Variants in ERC1 observed in about 807,000 individuals in gnomAD.
ERC1 encodes ELKS/RAB6-interacting/CAST family member 1.
In ERC1, 56 loss-of-function variants were observed where a neutral mutation model predicts 132.0. That is an observed-to-expected ratio of 0.42 (90% CI 0.34 to 0.53). The LOEUF (loss-of-function observed/expected upper bound fraction) is 0.53, where lower values mean the gene tolerates loss of function less well. ERC1 is among the 20% of genes least tolerant of loss of function. The pLI, the probability that ERC1 is intolerant of heterozygous loss-of-function variation, is 0.03. For synonymous variants in ERC1, 478 were observed against 476.1 expected (o/e 1.00, Z -0.05); for missense variants, 1,202 against 1,349.9 (o/e 0.89, Z 1.72).
chr12:1,242,234 C>T (rs2075858249), intron 13 of ERC1, among the ~76,000 whole-genome samples: 1 of 152,118 alleles, frequency 6.6e-6, no homozygotes, highest in Non-Finnish European at 1.5e-5. Context: ...GTAAATTTAT[C>T]AGTTTTTTCA....
chr12:1,341,058 C>CTTTTCTTTTTCT (rs1344930048), intron 15 of ERC1, among the ~76,000 whole-genome samples: 23 of 54,300 alleles, frequency 4.2e-4, no homozygotes, highest in South Asian at 1.5e-3. Context: ...TCCACTTATT[C>CTTTTCTTTTTCT]TTTTCTTTTT....
intron 8 of ERC1, among the ~76,000 whole-genome samples, chr12:1,146,525 A>G (rs1950384002): frequency 6.6e-6 from 1 of 151,350 alleles, no homozygotes; most frequent in Non-Finnish European, 1.5e-5. Flanking sequence ...ATCAGCAAAC[A>G]ATGATAGTTT....
intron 1 of ERC1, among the ~76,000 whole-genome samples, chr12:1,000,645 CCTAG>C: frequency 6.6e-6 from 1 of 152,254 alleles, no homozygotes; most frequent in Admixed American, 6.5e-5. Flanking sequence ...TGCCTGTAGT[CCTAG>C]CTATTTGGGA....
chr12:1,390,632 T>A (rs2089876791), intron 16 of ERC1: 1 of 152,172 alleles, frequency 6.6e-6, no homozygotes, highest in African/African-American at 2.4e-5. Context: ...TGTCAGTTCA[T>A]CTCCCGGAGG....
Position 1,189,873 on chromosome 12 carries a change from A to C in ERC1, c.2172A>C (p.Ala724=), listed in dbSNP as rs1378903087. 6.2e-7 allele frequency: 1 copy of C among 1,607,052 alleles called. No individual in the cohort carries two copies. The highest frequency in any genetic ancestry group is 1.3e-5 in the African/African-American group (1 of 74,716). Residue 724 remains alanine, a synonymous_variant, in exon 12 of 19, where the codon GCA becomes GCC. Coordinates refer to ENST00000360905, the MANE Select transcript of ERC1 (RefSeq NM_178040.4). ...TTTCTTTGTAGGCACATGAGGCAGCATTGGAAGCCAGAGCCAGTCCAGAGA... is the reference window on the plus strand; with the variant it reads ...TTTCTTTGTAGGCACATGAGGCAGCCTTGGAAGCCAGAGCCAGTCCAGAGA... ...ESQLKKAHEA[A]LEARASPEMS... is the part of the protein sequence containing the mutation.
At chr12:1,307,513 A>G (rs1331121007) in intron 15 of ERC1, among the ~76,000 whole-genome samples, 1 of 152,186 alleles carries the variant, frequency 6.6e-6, no homozygotes, top group Non-Finnish European at 1.5e-5. Context: ...TTGTCCTACT[A>G]CTTTTAGCTG....
rs116130966 is a variant in ERC1, at chr12:1,144,765, A to G, written c.1737+2978A>G. On this transcript the variant is annotated intron_variant, in intron 8 of 18. Coordinates refer to ENST00000360905, the MANE Select transcript of ERC1 (RefSeq NM_178040.4). ...GTGCTATTATAAACATGCCTGTGCA[A>G]GTGTCTTTTTCGTATAATGCCTTCC... Among the ~76,000 whole-genome samples the G allele has an allele frequency of 8.8e-3, 1,324 of 151,068 alleles. 16 individuals carry two copies. Among genetic ancestry groups the G allele is most frequent in the African/African-American group, 0.03 (1,237 of 40,644 alleles).
At chr12:1,199,548 A>T (rs2154282515) in intron 12 of ERC1, among the ~76,000 whole-genome samples, 1 of 152,230 alleles carries the variant, frequency 6.6e-6, no homozygotes, top group Non-Finnish European at 1.5e-5. Flanking sequence ...AGGCGGGTGG[A>T]TCACCTGAGG....
intron 17 of ERC1, among the ~76,000 whole-genome samples, chr12:1,440,578 G>A (rs1360738351): frequency 7.2e-6 from 1 of 138,794 alleles, no homozygotes; most frequent in South Asian, 2.4e-4. Context: ...CTGGCCTTAA[G>A]CAATCCCCCT....
chr12:1,062,380 C>T (rs1442253343), intron 2 of ERC1, among the ~76,000 whole-genome samples: 1 of 152,100 alleles, frequency 6.6e-6, no homozygotes, highest in Admixed American at 6.5e-5. Flanking sequence ...CCTCAGTCTC[C>T]CAAAGTGCTG....
chr12:1,345,994 T>C (rs537522723), intron 15 of ERC1, among the ~76,000 whole-genome samples: 1 of 152,190 alleles, frequency 6.6e-6, no homozygotes, highest in Non-Finnish European at 1.5e-5. Context: ...TCCCGGATGC[T>C]CTCTTCCTGC....
At chr12:1,240,009 C>A (rs79988776) in intron 13 of ERC1, among the ~76,000 whole-genome samples, 3,525 of 152,214 alleles carry the variant, frequency 0.023, 56 homozygotes, top group East Asian at 0.075. Flanking sequence ...TGCGCTATAG[C>A]ATCATGCGAT....
In ERC1 at chr12:1,490,377, G is replaced by T; in HGVS notation, c.*147G>T. 2 of 734,988 alleles carry T rather than the reference G, an allele frequency of 2.7e-6. No homozygotes were observed. The highest frequency in any genetic ancestry group is 4.4e-6 in the Non-Finnish European group (2 of 457,466). 45.5% of individuals were successfully genotyped at this position (734,988 alleles called of 1,614,324 possible). On this transcript the variant is annotated 3_prime_UTR_variant, in exon 19 of 19. Coordinates refer to ENST00000360905, the MANE Select transcript of ERC1 (RefSeq NM_178040.4). ...CTTGAAGAAGTGTGATTCCAGCACC[G>T]TTTCTACATCTGCCATCTTACTCTG...
intron 17 of ERC1, among the ~76,000 whole-genome samples, chr12:1,414,080 G>C (rs1036620703): frequency 6.6e-6 from 1 of 152,132 alleles, no homozygotes; most frequent in Non-Finnish European, 1.5e-5. Flanking sequence ...ATCTAATGCC[G>C]CCGCTGATCC....
intron 2 of ERC1, among the ~76,000 whole-genome samples, chr12:1,031,413 T>C (rs1269767455): frequency 4.6e-5 from 7 of 152,300 alleles, no homozygotes; most frequent in Admixed American, 3.9e-4. Flanking sequence ...CTCTAATATA[T>C]ATCTAAATCG....
chr12:1,141,780 A>G lies in ERC1; in HGVS notation c.1730A>G (p.Gln577Arg). 6.3e-7 allele frequency: 1 copy of G among 1,599,496 alleles called. No homozygotes were observed. The highest frequency in any genetic ancestry group is 1.3e-5 in the African/African-American group (1 of 74,594). Residue 577 changes from glutamine (Q) to arginine (R), a missense_variant, in exon 8 of 19, where the codon CAG (glutamine) becomes CGG (arginine). Transcript: ENST00000360905. ...AAGGAGCGGAAGGTTAATGTTCTTC[A>G]GAAGAAGGTAAGGTACAGGTGTTTC... Reference protein sequence around the residue: ...DVKERKVNVLQKKIENLQEQL... With the variant: ...DVKERKVNVLRKKIENLQEQL...
chr12:1,052,084 G>A (rs1202575127), intron 2 of ERC1, among the ~76,000 whole-genome samples: 1 of 152,166 alleles, frequency 6.6e-6, no homozygotes, highest in Non-Finnish European at 1.5e-5. Flanking sequence ...GTCCCCAAAC[G>A]TAAGTGTGCA....
intron 15 of ERC1, among the ~76,000 whole-genome samples, chr12:1,318,907 G>A (rs1246196318): frequency 6.6e-6 from 1 of 152,122 alleles, no homozygotes; most frequent in Non-Finnish European, 1.5e-5. Flanking sequence ...GGGTGCAGCA[G>A]CTCCAAGCAA....
At chr12:1,202,662 GA>G (rs957525898) in intron 12 of ERC1, among the ~76,000 whole-genome samples, 1 of 148,158 alleles carries the variant, frequency 6.7e-6, no homozygotes, top group Non-Finnish European at 1.5e-5. Flanking sequence ...TCTCAAAAAG[GA>G]AAAAAAAAGA....
Sources: allele counts gnomAD v4.1 joint callset (sites outside exome capture counted in the v4.1 genomes callset), GRCh38; gene constraint gnomAD v4.1.1; transcripts MANE v1.5; gene names NCBI Gene and HGNC (gene_info 2026-07-23, HGNC 2026-07-21).